Variants in SRPK2 observed in about 807,000 individuals in gnomAD.
SRPK2 encodes SRSF protein kinase 2, also known as SFRS protein kinase 2.
Under a neutral mutation model 90.8 loss-of-function variants are expected in SRPK2, and 21 were observed. The ratio of observed to expected loss-of-function variants is 0.23; its 90% CI spans 0.16 to 0.33. SRPK2 has a LOEUF of 0.33. SRPK2 is among the 10% of genes least tolerant of loss of function. SRPK2 has a pLI of 1.00. For synonymous variants in SRPK2, 288 were observed against 311.1 expected (o/e 0.93, Z 0.78); for missense variants, 620 against 869.0 (o/e 0.71, Z 3.60).
intron 3 of SRPK2, among the ~76,000 whole-genome samples, chr7:105,203,279 C>T (rs951324702): frequency 2.6e-5 from 4 of 152,146 alleles, no homozygotes; most frequent in Admixed American, 6.5e-5. Flanking sequence ...CTTCAGCCAC[C>T]GCACTGGCCC....
Position 105,116,938 on chromosome 7 carries a change from A to G in SRPK2, c.*900T>C, listed in dbSNP as rs752201255. ...ATGTATTTTTTCATTCCACACAATT[A>G]ACACGTTTCTCCAATTTAATCTATG... On this transcript the variant is annotated 3_prime_UTR_variant, in exon 16 of 16. Transcript: ENST00000393651. The G allele has an allele frequency of 1.3e-5, 2 of 152,212 alleles. No homozygotes were observed. Among genetic ancestry groups the G allele is most frequent in the Admixed American group, 6.5e-5 (1 of 15,282 alleles). 9.4% of individuals were successfully genotyped at this position (152,212 alleles called of 1,614,324 possible). A position where few individuals can be genotyped will look rare whatever the true frequency, so the allele number is the denominator to read the frequency against.
At chr7:105,385,667 T>G (rs1821491935) in intron 2 of SRPK2, among the ~76,000 whole-genome samples, 1 of 152,150 alleles carries the variant, frequency 6.6e-6, no homozygotes, top group Non-Finnish European at 1.5e-5. Flanking sequence ...ACACTGGATC[T>G]CCTCCTCATT....
At chr7:105,159,002 G>C (rs1807003097) in intron 7 of SRPK2, among the ~76,000 whole-genome samples, 1 of 151,986 alleles carries the variant, frequency 6.6e-6, no homozygotes, top group Non-Finnish European at 1.5e-5. Flanking sequence ...GCTACTATTT[G>C]AAAGCTAAGG....
Position 105,373,646 on chromosome 7 carries a change from G to A in SRPK2, c.71+15002C>T, listed in dbSNP as rs144967428. On this transcript the variant is annotated intron_variant, in intron 2 of 15. Transcript: ENST00000393651. ...TCGAACTCCTGGCCTCAAGTGATCCGCTCGCTTCGGCCTCCCAAAGTGCTG... is the reference window on the plus strand; with the variant it reads ...TCGAACTCCTGGCCTCAAGTGATCCACTCGCTTCGGCCTCCCAAAGTGCTG... Among the ~76,000 whole-genome samples the A allele has an allele frequency of 1.9e-3, 288 of 152,038 alleles. 1 individual carries two copies. Among genetic ancestry groups the A allele is most frequent in the African/African-American group, 6.6e-3 (272 of 41,480 alleles).
intron 3 of SRPK2, among the ~76,000 whole-genome samples, chr7:105,202,480 AG>A (rs1795683811): frequency 6.6e-6 from 1 of 152,244 alleles, no homozygotes; most frequent in Admixed American, 6.5e-5. Context: ...TGTCCAAATC[AG>A]TAAGTTAAGT....
chr7:105,279,059 A>AC (rs1336684894), intron 2 of SRPK2, among the ~76,000 whole-genome samples: 3 of 152,078 alleles, frequency 2.0e-5, no homozygotes, highest in Non-Finnish European at 4.4e-5. Flanking sequence ...TCCCAGTTCC[A>AC]CCCCCTTCCT....
rs1803937403 is a variant in SRPK2, at chr7:105,142,490, C to T, written c.1061G>A (p.Gly354Asp). The change falls in exon 11 of 16, where the codon GGT becomes GAT. Residue 354 changes from glycine to aspartate, a missense_variant and splice_region_variant. Physicochemically the swap from Gly to Asp is moderately conservative, Grantham distance 94. Transcript: ENST00000393651. ...TTTCTCTTCCTGGTCCTCAGCTTCACCTTAAGAATTTGATGGGTCAAGAAT... is the reference window on the plus strand; with the variant it reads ...TTTCTCTTCCTGGTCCTCAGCTTCATCTTAAGAATTTGATGGGTCAAGAAT... ...AAEAETAKDNGEAEDQEEKED... is the reference protein window; with the variant it reads ...AAEAETAKDNDEAEDQEEKED... 6.2e-7 allele frequency: 1 copy of T among 1,601,648 alleles called. No individual in the cohort carries two copies. The highest frequency in any genetic ancestry group is 8.5e-7 in the Non-Finnish European group (1 of 1,175,580).
chr7:105,180,459 T>A (rs1331692858), intron 3 of SRPK2, among the ~76,000 whole-genome samples: 1 of 152,052 alleles, frequency 6.6e-6, no homozygotes, highest in African/African-American at 2.4e-5. Flanking sequence ...CCTAAAACTA[T>A]AAAAACCCTG....
chr7:105,233,572 G>A (rs552573512), intron 2 of SRPK2, among the ~76,000 whole-genome samples: 1 of 152,130 alleles, frequency 6.6e-6, no homozygotes, highest in Admixed American at 6.5e-5. Flanking sequence ...TAAAATACGG[G>A]CTGGGCGCAG....
chr7:105,369,926 C>T (rs1819511528), intron 2 of SRPK2, among the ~76,000 whole-genome samples: 1 of 152,096 alleles, frequency 6.6e-6, no homozygotes, highest in African/African-American at 2.4e-5. Context: ...ACTCAGGAGG[C>T]TGAGGCAGGA....
intron 2 of SRPK2, among the ~76,000 whole-genome samples, chr7:105,311,306 T>TA (rs1052284665): frequency 6.6e-6 from 1 of 152,186 alleles, no homozygotes; most frequent in Admixed American, 6.5e-5. Flanking sequence ...GATCTGGACT[T>TA]ACTGCAACTT....
chr7:105,145,268 T>C lies in SRPK2; in HGVS notation c.813+15A>G, dbSNP rs746906831. On this transcript the variant is annotated intron_variant, in intron 9 of 15. Transcript: ENST00000393651. ...TTAACATGGTGCATATAAAGTAATA[T>C]GCGTAAGTACTTACAGGTTTCTGCT... 72 of 1,581,392 alleles carry C rather than the reference T, an allele frequency of 4.6e-5. No individual in the cohort carries two copies. The East Asian group carries it at 1.5e-3, about 32-fold the overall frequency.
chr7:105,236,352 A>C (rs969030458), intron 2 of SRPK2, among the ~76,000 whole-genome samples: 1 of 151,944 alleles, frequency 6.6e-6, no homozygotes, highest in Non-Finnish European at 1.5e-5. Context: ...GTATTTTTTC[A>C]CAATTTCTGA....
upstream of SRPK2, among the ~76,000 whole-genome samples, chr7:105,393,837 G>T (rs1005512262): frequency 2.0e-5 from 3 of 151,990 alleles, no homozygotes; most frequent in African/African-American, 7.2e-5. Flanking sequence ...GCTAAAGTAG[G>T]AGGATCACTT....
chr7:105,324,018 G>GT (rs1813268495), intron 2 of SRPK2, among the ~76,000 whole-genome samples: 1 of 109,882 alleles, frequency 9.1e-6, no homozygotes, highest in African/African-American at 3.4e-5. Flanking sequence ...TGTGTGTGTG[G>GT]TGGAGTCTCA....
At chr7:105,339,531 G>T (rs947431616) in intron 2 of SRPK2, among the ~76,000 whole-genome samples, 1 of 152,204 alleles carries the variant, frequency 6.6e-6, no homozygotes, top group Non-Finnish European at 1.5e-5. Flanking sequence ...AGAATTCAGA[G>T]GAAGGAACAG....
chr7:105,195,675 T>C (rs1329349501), intron 3 of SRPK2, among the ~76,000 whole-genome samples: 1 of 152,266 alleles, frequency 6.6e-6, no homozygotes, highest in Non-Finnish European at 1.5e-5. Flanking sequence ...TATTCTTTAC[T>C]GACAAAGTCC....
At chr7:105,145,459 T>A (rs1236368463) in intron 8 of SRPK2, 151 bp from the exon 9 acceptor site, 1 of 518,346 alleles carries the variant, frequency 1.9e-6, no homozygotes, top group African/African-American at 1.9e-5. Flanking sequence ...ATCACAAGGA[T>A]CTAGAGTAAG....
chr7:105,370,603 ATTT>A (rs1018720050), intron 2 of SRPK2, among the ~76,000 whole-genome samples: 1 of 146,430 alleles, frequency 6.8e-6, no homozygotes, highest in East Asian at 2.0e-4. Context: ...TTTTTAATTA[ATTT>A]TTTTTCTTTC....
Sources: gnomAD v4.1 joint callset for allele counts (sites outside exome capture counted in the v4.1 genomes callset) on GRCh38, gnomAD v4.1.1 for gene constraint, MANE v1.5 for transcripts, NCBI Gene and HGNC (gene_info 2026-07-23, HGNC 2026-07-21) for gene names.